NPAS3: variants seen among roughly 807,000 people sequenced by gnomAD.
NPAS3 encodes the protein neuronal PAS domain protein 3, also known as neuronal PAS domain-containing protein 3.
A neutral mutation model predicts 73.1 loss-of-function variants in NPAS3; 14 were observed. That is an observed-to-expected ratio of 0.19 (90% confidence interval 0.13 to 0.30). The LOEUF is 0.30. NPAS3 is among the 10% of genes least tolerant of loss of function. The pLI is 1.00. For missense variants in NPAS3, 1,096 were observed against 1,250.0 expected (o/e 0.88, Z 1.86); for synonymous variants, 620 against 541.5 (o/e 1.14, Z -2.01).
At chr14:33,652,657 C>G (rs779936350) in intron 5 of NPAS3, among the ~76,000 whole-genome samples, 1 of 152,192 alleles carries the variant, frequency 6.6e-6, no homozygotes, top group African/African-American at 2.4e-5. Flanking sequence ...GGCTCTGATT[C>G]AGGCGCCATG....
At position 32,946,348 on chromosome 14, in the gene NPAS3, GCACACACACA is replaced by G. The variant is rs3057257; in HGVS notation, c.50+7011_50+7020del. Among the ~76,000 whole-genome samples the G allele has an allele frequency of 3.1e-3, 439 of 139,402 alleles. 2 individuals are homozygous for G. Among genetic ancestry groups the G allele is most frequent in the African/African-American group, 0.011 (400 of 36,666 alleles). The allele number at this position is 139,402 out of a possible 152,430, so 91.5% of individuals were successfully genotyped here. ...CCATCCCCCCAACACACACACACGC[GCACACACACA>G]CACACACACACACACACACACACAC... On this transcript the variant is annotated intron_variant, in intron 1 of 11. Transcript: ENST00000356141.
chr14:33,679,184 C>T (rs1028041311), intron 6 of NPAS3, among the ~76,000 whole-genome samples: 1 of 152,190 alleles, frequency 6.6e-6, no homozygotes, highest in Non-Finnish European at 1.5e-5. Context: ...AAGAGGCCCT[C>T]TTCCTTGATG....
At chr14:32,959,976 ATTTT>A (rs61262665) in intron 1 of NPAS3, among the ~76,000 whole-genome samples, 20 of 131,306 alleles carry the variant, frequency 1.5e-4, no homozygotes, top group African/African-American at 2.6e-4. Flanking sequence ...GTGAGTTTCA[ATTTT>A]TTTTTTTTTT....
chr14:33,746,525 T>G (rs568863340), intron 7 of NPAS3, among the ~76,000 whole-genome samples: 1 of 151,646 alleles, frequency 6.6e-6, no homozygotes, highest in Admixed American at 6.6e-5. Context: ...TATGATGTAT[T>G]TATTAATAAA....
intron 2 of NPAS3, among the ~76,000 whole-genome samples, chr14:33,092,476 A>C (rs893058189): frequency 3.3e-5 from 5 of 152,216 alleles, no homozygotes; most frequent in African/African-American, 1.2e-4. Flanking sequence ...AGAGGACACA[A>C]ACAAATGGAA....
intron 3 of NPAS3, among the ~76,000 whole-genome samples, chr14:33,301,554 C>T (rs1255173203): frequency 6.6e-6 from 1 of 151,764 alleles, no homozygotes; most frequent in Non-Finnish European, 1.5e-5. Flanking sequence ...CAAAGCTAAG[C>T]GTAGTGGGTA....
intron 5 of NPAS3, among the ~76,000 whole-genome samples, chr14:33,655,232 A>G (rs1206549171): frequency 6.6e-6 from 1 of 152,000 alleles, no homozygotes; most frequent in African/African-American, 2.4e-5. Flanking sequence ...GCCCTCAGGC[A>G]TGTGTCTGCA....
chr14:33,495,741 C>CT (rs1041472853), intron 4 of NPAS3, among the ~76,000 whole-genome samples: 2 of 151,786 alleles, frequency 1.3e-5, no homozygotes, highest in South Asian at 2.1e-4. Context: ...CCTTCTTTGT[C>CT]TTTTTTTTAA....
intron 1 of NPAS3, among the ~76,000 whole-genome samples, chr14:32,962,419 T>C (rs181536351): frequency 6.6e-6 from 1 of 152,186 alleles, no homozygotes; most frequent in Non-Finnish European, 1.5e-5. Context: ...AATAAGAAGA[T>C]ACTGTGTTTA....
chr14:33,279,639 C>T (rs1333811152), intron 3 of NPAS3, among the ~76,000 whole-genome samples: 1 of 152,064 alleles, frequency 6.6e-6, no homozygotes, highest in Non-Finnish European at 1.5e-5. Flanking sequence ...TTCCTATCAC[C>T]TTTTCACCCT....
At chr14:33,444,233 C>G (rs1394494884) in intron 4 of NPAS3, among the ~76,000 whole-genome samples, 1 of 152,136 alleles carries the variant, frequency 6.6e-6, no homozygotes, top group Non-Finnish European at 1.5e-5. Flanking sequence ...ATGATGATGA[C>G]CACAGTTGCA....
intron 3 of NPAS3, among the ~76,000 whole-genome samples, chr14:33,331,344 G>T (rs2043975724): frequency 1.3e-5 from 2 of 152,124 alleles, no homozygotes; most frequent in Non-Finnish European, 2.9e-5. Context: ...ATTTTGGAAA[G>T]AATTTTTTGT....
At chr14:33,514,654 G>A (rs2053217910) in intron 4 of NPAS3, among the ~76,000 whole-genome samples, 1 of 151,974 alleles carries the variant, frequency 6.6e-6, no homozygotes, top group African/African-American at 2.4e-5. Flanking sequence ...ATTATATCAT[G>A]AAATAAAACT....
chr14:33,425,664 C>T (rs1450712279), intron 4 of NPAS3, among the ~76,000 whole-genome samples: 1 of 151,652 alleles, frequency 6.6e-6, no homozygotes, highest in African/African-American at 2.4e-5. Flanking sequence ...GATTTTTGTG[C>T]TCTGTCCTTT....
chr14:33,435,184 T>C (rs2048937534), intron 4 of NPAS3, among the ~76,000 whole-genome samples: 1 of 152,128 alleles, frequency 6.6e-6, no homozygotes, highest in African/African-American at 2.4e-5. Context: ...TCATAACCCA[T>C]CAGCCATCAT....
intron 4 of NPAS3, among the ~76,000 whole-genome samples, chr14:33,446,172 T>TTC (rs1187493943): frequency 6.4e-5 from 6 of 93,560 alleles, no homozygotes; most frequent in Admixed American, 2.0e-4. Flanking sequence ...CTTTCTTTTT[T>TTC]TTTTTTTTTT....
chr14:33,355,524 C>G (rs1244442470), intron 3 of NPAS3, among the ~76,000 whole-genome samples: 1 of 152,084 alleles, frequency 6.6e-6, no homozygotes, highest in Non-Finnish European at 1.5e-5. Flanking sequence ...GGTCTCGACC[C>G]CTTGACCTCA....
At chr14:32,989,906 C>G (rs1475266835) in intron 1 of NPAS3, among the ~76,000 whole-genome samples, 16 of 152,068 alleles carry the variant, frequency 1.1e-4, no homozygotes, top group South Asian at 2.1e-4. Flanking sequence ...GCAGTTATTC[C>G]AGGCAAGACT....
intron 3 of NPAS3, among the ~76,000 whole-genome samples, chr14:33,313,441 G>T (rs955578974): frequency 2.0e-5 from 3 of 151,972 alleles, no homozygotes; most frequent in Non-Finnish European, 4.4e-5. Context: ...AAGGCACCTC[G>T]CTGTAGTACA....
Sources: gnomAD v4.1 joint callset for allele counts (sites outside exome capture counted in the v4.1 genomes callset) on GRCh38, gnomAD v4.1.1 for gene constraint, MANE v1.5 for transcripts, NCBI Gene and HGNC (gene_info 2026-07-23, HGNC 2026-07-21) for gene names.